The following HNRNPUL2 variants were observed in gnomAD, a reference collection of about 807,000 sequenced individuals.
HNRNPUL2 encodes heterogeneous nuclear ribonucleoprotein U-like protein 2.
A neutral mutation model predicts 102.2 loss-of-function variants in HNRNPUL2; 27 were observed. The observed-to-expected ratio is 0.26, with a 90% CI of 0.19 to 0.36. The LOEUF (loss-of-function observed/expected upper bound fraction) is 0.36, where lower values mean the gene tolerates loss of function less well. HNRNPUL2 is among the 10% of genes least tolerant of loss of function. The pLI is 1.00. For synonymous variants in HNRNPUL2, 458 were observed against 387.2 expected (o/e 1.18, Z -2.15); for missense variants, 936 against 981.1 (o/e 0.95, Z 0.61).
chr11:62,718,341 C>T (rs1243983458), intron 10 of HNRNPUL2, among the ~76,000 whole-genome samples: 2 of 152,028 alleles, frequency 1.3e-5, no homozygotes, highest in Non-Finnish European at 2.9e-5. Context: ...AACGTGATAC[C>T]AGAAATCAAG....
intron 2 of HNRNPUL2, 110 bp from the exon 3 acceptor site, chr11:62,724,100 C>T (rs1409080225): frequency 3.4e-6 from 4 of 1,188,808 alleles, no homozygotes; most frequent in African/African-American, 1.5e-5. Flanking sequence ...ATATCAAATC[C>T]CAGCAGACAG....
rs1197455568 is a variant in HNRNPUL2 at position 62,726,696 on chromosome 11, T to A, written c.461A>T (p.Glu154Val). The A allele has an allele frequency of 1.2e-6, 2 of 1,600,160 alleles. No individual in the cohort carries two copies. The highest frequency in any genetic ancestry group is 2.2e-5 in the East Asian group (1 of 44,820). The stretch of plus-strand genomic sequence containing the variant: ...CCCGCTCCGCTCCTCGGGTTCGTCT[T>A]CCTCCCTCTTGCCGAGGCCCTGCTC... ...GEEQGLGKREEDEPEERSGDE... is the reference protein window; with the variant it reads ...GEEQGLGKREVDEPEERSGDE... Residue 154 changes from glutamate (E) to valine (V), a missense_variant, in exon 1 of 14, where the codon GAA becomes GTA. Physicochemically the swap from Glu to Val is moderately radical, Grantham distance 121. Coordinates refer to ENST00000301785, the MANE Select transcript of HNRNPUL2 (RefSeq NM_001079559.3).
rs1052513959 is a variant in HNRNPUL2, at chr11:62,721,653, C to A, written c.1482+167G>T. Among the ~76,000 whole-genome samples the A allele has an allele frequency of 7.9e-5, 12 of 151,746 alleles. No homozygotes were observed. In the East Asian group the frequency reaches 9.6e-4, roughly 12 times the overall value. Reference sequence around the variant, plus strand: ...TCATCTGCTTTCAGAAATTTGACAACACAGCAAAGAAAAAAAAAATCAATC... The same window carrying A: ...TCATCTGCTTTCAGAAATTTGACAAAACAGCAAAGAAAAAAAAAATCAATC... On this transcript the variant is annotated intron_variant, in intron 8 of 13. Transcript: ENST00000301785.
At position 62,723,962 on chromosome 11, in the gene HNRNPUL2, C is replaced by G. The variant is rs751191489; in HGVS notation, c.703G>C (p.Glu235Gln). Residue 235 changes from glutamate (E) to glutamine (Q), a missense_variant, in exon 3 of 14, where the codon GAG becomes CAG. By Grantham distance (29) the Glu-to-Gln change is conservative. Around this residue, in one of 2 missense-constraint regions of HNRNPUL2, gnomAD observed 609 missense variants for 713.0 expected, o/e 0.85. Coordinates refer to ENST00000301785, the MANE Select transcript of HNRNPUL2 (RefSeq NM_001079559.3). ...RSKSPLPPEE[E>Q]AKDEEEDQTL... is the part of the protein sequence containing the mutation. The stretch of plus-strand genomic sequence containing the variant: ...TGATCCTCCTCCTCATCTTTTGCCT[C>G]TTCTTCAGGAGGCAGTGGAGACTTT... The G allele has an allele frequency of 6.3e-5, 102 of 1,613,946 alleles. No homozygotes were observed. Among genetic ancestry groups the G allele is most frequent in the Non-Finnish European group, 8.3e-5 (98 of 1,179,934 alleles).
chr11:62,715,767 TA>T (rs1424203165), intron 12 of HNRNPUL2, 96 bp downstream of exon 12: 1 of 1,254,378 alleles, frequency 8.0e-7, no homozygotes, highest in Admixed American at 1.8e-5. Flanking sequence ...GGCAAAACCC[TA>T]AGCCCTAAGA....
chr11:62,724,024 A>C (rs1314911062), intron 2 of HNRNPUL2, 34 bp from the exon 3 acceptor site: 1 of 1,547,802 alleles, frequency 6.5e-7, no homozygotes, highest in Admixed American at 1.7e-5. Context: ...AACACAATGT[A>C]AACAAAGCCC....
intron 4 of HNRNPUL2, 41 bp from the exon 5 acceptor site, chr11:62,722,944 A>T: frequency 6.7e-7 from 1 of 1,490,508 alleles, no homozygotes; most frequent in South Asian, 1.1e-5. Context: ...ATTGTGACCA[A>T]CTGAGTAGCA....
intron 10 of HNRNPUL2, among the ~76,000 whole-genome samples, chr11:62,718,969 C>T (rs1017571330): frequency 6.6e-6 from 1 of 151,870 alleles, no homozygotes; most frequent in East Asian, 2.0e-4. Context: ...TGATTACAAG[C>T]GCCCACCACC....
chr11:62,721,217 C>G (rs1384116738), intron 9 of HNRNPUL2, 78 bp downstream of exon 9: 5 of 1,341,418 alleles, frequency 3.7e-6, no homozygotes, highest in South Asian at 1.4e-5. Flanking sequence ...ATTAGGTAAG[C>G]TGACTCTGCT....
At chr11:62,726,150 G>A (rs2083744132) in intron 1 of HNRNPUL2, among the ~76,000 whole-genome samples, 1 of 152,130 alleles carries the variant, frequency 6.6e-6, no homozygotes, top group Non-Finnish European at 1.5e-5. Flanking sequence ...CTCAAGCTCT[G>A]GTAACATGCT....
intron 10 of HNRNPUL2, among the ~76,000 whole-genome samples, chr11:62,718,694 TAAAAAA>T (rs11456076): frequency 8.4e-6 from 1 of 119,616 alleles, no homozygotes; most frequent in East Asian, 2.4e-4. Flanking sequence ...ACTCTGTCTT[TAAAAAA>T]AAAAAAAAAA....
In HNRNPUL2 at chr11:62,713,104, A is replaced by C. The variant is rs534589888; in HGVS notation, c.*2195T>G. 6.6e-6 allele frequency: 1 copy of C among 152,234 alleles called. No individual in the cohort carries two copies. Among genetic ancestry groups the C allele is most frequent in the Non-Finnish European group, 1.5e-5 (1 of 68,048 alleles). The allele number at this position is 152,234 out of a possible 1,614,324, so 9.4% of individuals were successfully genotyped here. ...ACCTAGAAAAACAGTTTTGTAAAAA[A>C]GATTACTTTCTAGTGTCAAATATCA... On this transcript the variant is annotated 3_prime_UTR_variant, in exon 14 of 14. Transcript: ENST00000301785.
Position 62,727,011 on chromosome 11 carries a change from C to T in HNRNPUL2, c.146G>A (p.Gly49Asp). The T allele has an allele frequency of 7.3e-7, 1 of 1,365,630 alleles. No homozygotes were observed. Among genetic ancestry groups the T allele is most frequent in the Non-Finnish European group, 9.4e-7 (1 of 1,060,452 alleles). The allele number at this position is 1,365,630 out of a possible 1,614,324, so 84.6% of individuals were successfully genotyped here. Reference protein sequence around the residue: ...AEMLEDEAGGGGAGPGGACKA... With the variant: ...AEMLEDEAGGDGAGPGGACKA... The stretch of plus-strand genomic sequence containing the variant: ...GCAGGCCCCGCCGGGCCCGGCCCCG[C>T]CGCCGCCGGCCTCGTCCTCGAGCAT... The change falls in exon 1 of 14, where the codon GGC (glycine) becomes GAC (aspartate). Residue 49 changes from glycine (G) to aspartate (D), a missense_variant. Gly to Asp is a moderately conservative substitution (Grantham distance 94, BLOSUM62 -1). Transcript: ENST00000301785.
Position 62,723,638 on chromosome 11 carries a change from C to G in HNRNPUL2, c.840G>C (p.Gly280=), listed in dbSNP as rs373619250. 27 of 1,614,102 alleles carry G rather than the reference C, an allele frequency of 1.7e-5. No individual in the cohort carries two copies. Among genetic ancestry groups the G allele is most frequent in the Non-Finnish European group, 2.2e-5 (26 of 1,179,982 alleles). Residue 280 remains glycine, a synonymous_variant, in exon 4 of 14, where the codon GGG becomes GGC. Coordinates refer to ENST00000301785, the MANE Select transcript of HNRNPUL2 (RefSeq NM_001079559.3). ...FSEKFPTLWS[G]ARSTYGVTKG... is the part of the protein sequence containing the mutation. ...TTGTCACTCCGTAAGTACTCCTTGCCCCAGACCAAAGGGTGGGGAACTTCT... is the reference window on the plus strand; with the variant it reads ...TTGTCACTCCGTAAGTACTCCTTGCGCCAGACCAAAGGGTGGGGAACTTCT...
At chr11:62,720,705 A>C (rs2083695235) in intron 9 of HNRNPUL2, among the ~76,000 whole-genome samples, 2 of 151,902 alleles carry the variant, frequency 1.3e-5, no homozygotes, top group Admixed American at 6.6e-5. Flanking sequence ...TCTACTAAAA[A>C]TACAAAAAAT....
rs769304660 is a variant in HNRNPUL2 at position 62,727,008 on chromosome 11, CCGCCGCCGCCGGCCT to C, written c.134_148del (p.Glu45_Gly49del). 3.8e-5 allele frequency: 52 copies of C among 1,360,746 alleles called. 4 individuals carry two copies. The South Asian group carries it at 8.7e-4, about 23-fold the overall frequency. The allele number at this position is 1,360,746 out of a possible 1,614,324, so 84.3% of individuals were successfully genotyped here. A position where few individuals can be genotyped will look rare whatever the true frequency, so the allele number is the denominator to read the frequency against. On this transcript the variant is annotated inframe_deletion, in exon 1 of 14. Coordinates refer to ENST00000301785, the MANE Select transcript of HNRNPUL2 (RefSeq NM_001079559.3). ...CTTGCAGGCCCCGCCGGGCCCGGCC[CCGCCGCCGCCGGCCT>C]CGTCCTCGAGCATCTCGGCGTCCAG...
At position 62,722,319 on chromosome 11, in the gene HNRNPUL2, G is replaced by C. The variant is rs2083709116; in HGVS notation, c.1157C>G (p.Ala386Gly). ...CAGGGAATCCTTGCTGATCCAGAAT[G>C]CCACACCTAGGTCTTCTCCATTCTT... Reference protein sequence around the residue: ...FSKNGEDLGVAFWISKDSLAD... With the variant: ...FSKNGEDLGVGFWISKDSLAD... Residue 386 changes from alanine to glycine, a missense_variant, in exon 7 of 14, where the codon GCA (alanine) becomes GGA (glycine). By Grantham distance (60) the Ala-to-Gly change is moderately conservative (BLOSUM62 0). Around this residue, in one of 2 missense-constraint regions of HNRNPUL2, gnomAD observed 609 missense variants for 713.0 expected, o/e 0.85. Transcript: ENST00000301785. 1.2e-6 allele frequency: 2 copies of C among 1,613,914 alleles called. No individual in the cohort carries two copies. The highest frequency in any genetic ancestry group is 1.7e-6 in the Non-Finnish European group (2 of 1,179,802).
At chr11:62,725,521 C>A (rs950853586) in intron 1 of HNRNPUL2, among the ~76,000 whole-genome samples, 1 of 152,132 alleles carries the variant, frequency 6.6e-6, no homozygotes, top group Non-Finnish European at 1.5e-5. Context: ...ATTTTTTTAT[C>A]TGCTCTTTGG....
Position 62,724,274 on chromosome 11 carries a change from G to A in HNRNPUL2, c.674+17C>T, listed in dbSNP as rs1461245281. 1.9e-6 allele frequency: 3 copies of A among 1,613,896 alleles called. No individual in the cohort carries two copies. The highest frequency in any genetic ancestry group is 2.5e-6 in the Non-Finnish European group (3 of 1,179,922). On this transcript the variant is annotated intron_variant, in intron 2 of 13. Transcript: ENST00000301785. The stretch of plus-strand genomic sequence containing the variant: ...AGAGCAGACACTCCCTTCAACGAAA[G>A]GGACTGTTTCCCTCACCGGCTGTGG...
Sources: gnomAD v4.1 joint callset for allele counts (sites outside exome capture counted in the v4.1 genomes callset) on GRCh38, gnomAD v4.1.1 for gene constraint, gnomAD v4.1.1 regional missense constraint, MANE v1.5 for transcripts, NCBI Gene and HGNC (gene_info 2026-07-23, HGNC 2026-07-21) for gene names.